Variants in KIF11 observed in about 807,000 individuals in gnomAD.
KIF11 encodes kinesin family member 11.
KIF11 carries 9 observed loss-of-function variants against 121.0 expected under a neutral mutation model. The ratio of observed to expected loss-of-function variants is 0.07; its 90% CI spans 0.04 to 0.13. The LOEUF (loss-of-function observed/expected upper bound fraction) is 0.13, where lower values mean the gene tolerates loss of function less well. Ranked by LOEUF, KIF11 falls within the 10% of genes least tolerant of loss-of-function variation. The pLI is 1.00. For synonymous variants in KIF11, 408 were observed against 421.0 expected, an observed-to-expected ratio of 0.97 and a Z score of 0.38; for missense variants, 846 against 1,217.5, an observed-to-expected ratio of 0.69 and a Z score of 4.54.
chr10:92,650,668 C>T (rs1215798168), intron 21 of KIF11, 151 bp downstream of exon 21: 6 of 587,420 alleles, frequency 1.0e-5, no homozygotes, highest in African/African-American at 7.5e-5. Context: ...GAATTATTTA[C>T]AAAAATCTGA....
intron 1 of KIF11, chr10:92,597,181 A>G: frequency 3.7e-6 from 1 of 271,102 alleles, no homozygotes; most frequent in Non-Finnish European, 7.4e-6. Flanking sequence ...AGGATCTGAC[A>G]ATGTATTTGA....
chr10:92,621,752 C>A lies in KIF11; in HGVS notation c.1217+279C>A, dbSNP rs11187102. Among the ~76,000 whole-genome samples, 22,663 of 152,074 alleles carry A rather than the reference C, an allele frequency of 0.15. 3,592 individuals carry two copies. The highest frequency in any genetic ancestry group is 0.4 in the African/African-American group (16,467 of 41,414). On this transcript the variant is annotated intron_variant, in intron 10 of 21. Transcript: ENST00000260731. ...AAGTAGCTGGGATTATAGGCATGAG[C>A]CACCACACCCTGCTAATTTTTGCAT...
At chr10:92,645,300 G>C in intron 17 of KIF11, 63 bp from the exon 18 acceptor site, 1 of 1,222,304 alleles carries the variant, frequency 8.2e-7, no homozygotes, top group Non-Finnish European at 1.2e-6. Flanking sequence ...GTGATCTTGG[G>C]AAGTTATATA....
chr10:92,612,604 G>A (rs1337530790), intron 6 of KIF11, among the ~76,000 whole-genome samples: 2 of 152,192 alleles, frequency 1.3e-5, no homozygotes, highest in Admixed American at 6.5e-5. Context: ...ACTTGTGCAT[G>A]TACACAACAG....
At chr10:92,611,667 G>A (rs1844498107) in intron 6 of KIF11, among the ~76,000 whole-genome samples, 1 of 152,174 alleles carries the variant, frequency 6.6e-6, no homozygotes, top group Non-Finnish European at 1.5e-5. Context: ...CGGAGGCCAA[G>A]GTGGGTGGAT....
At chr10:92,649,676 T>G (rs1375916807) in intron 19 of KIF11, among the ~76,000 whole-genome samples, 159 bp from the exon 20 acceptor site, 1 of 152,236 alleles carries the variant, frequency 6.6e-6, no homozygotes, top group African/African-American at 2.4e-5. Flanking sequence ...TATTGTTAGT[T>G]GCAAACAATG....
At position 92,628,943 on chromosome 10, in the gene KIF11, A is replaced by G. The variant is rs955265924; in HGVS notation, c.1305+48A>G. 2.2e-5 allele frequency: 23 copies of G among 1,033,078 alleles called. 1 individual carries two copies. Among genetic ancestry groups the G allele is most frequent in the East Asian group, 2.5e-5 (1 of 40,092 alleles). 64.0% of individuals were successfully genotyped at this position (1,033,078 alleles called of 1,614,324 possible). On this transcript the variant is annotated intron_variant, in intron 11 of 21. Coordinates refer to ENST00000260731, the MANE Select transcript of KIF11 (RefSeq NM_004523.4). The stretch of plus-strand genomic sequence containing the variant: ...ACTGTTATGTGAAAAGCAAATATTG[A>G]AAGAAAATTTTAGAATGAAAGATCT...
At position 92,652,776 on chromosome 10, in the gene KIF11, A is replaced by G. The variant is rs1383759125; in HGVS notation, c.3040-889A>G. Among the ~76,000 whole-genome samples the G allele has an allele frequency of 2.0e-5, 3 of 152,328 alleles. No homozygotes were observed. The East Asian group carries it at 5.8e-4, about 29-fold the overall frequency. ...CATTTTGAATTAGGCTTAGTGATTC[A>G]GCTATGGCAAGGAAGTCCCTACAGT... On this transcript the variant is annotated intron_variant, in intron 21 of 21. Coordinates refer to ENST00000260731, the MANE Select transcript of KIF11 (RefSeq NM_004523.4).
intron 8 of KIF11, among the ~76,000 whole-genome samples, chr10:92,615,387 CAG>C (rs1340770016): frequency 6.6e-6 from 1 of 151,882 alleles, no homozygotes; most frequent in East Asian, 1.9e-4. Context: ...GCCTGGGTGA[CAG>C]AGTGAGACTC....
rs185175870 is a variant in KIF11, at chr10:92,593,299, T to A, written c.-77T>A. On this transcript the variant is annotated 5_prime_UTR_variant, in exon 1 of 22. Transcript: ENST00000260731. ...GAGGGACCAGGGAGACTCCGGCCCC[T>A]GTCGGCCGCCAAGCCCCTCCGCCCC... 6.8e-6 allele frequency: 10 copies of A among 1,466,768 alleles called. No individual in the cohort carries two copies. The highest frequency in any genetic ancestry group is 1.4e-5 in the African/African-American group (1 of 71,560). 90.9% of individuals were successfully genotyped at this position (1,466,768 alleles called of 1,614,324 possible).
chr10:92,615,765 A>G (rs532064731), intron 8 of KIF11, among the ~76,000 whole-genome samples: 1 of 151,880 alleles, frequency 6.6e-6, no homozygotes, highest in Admixed American at 6.6e-5. Flanking sequence ...TTCAAGGTTC[A>G]TCTGTGTTGT....
chr10:92,630,734 C>T (rs779529131), intron 12 of KIF11, among the ~76,000 whole-genome samples: 67 of 151,430 alleles, frequency 4.4e-4, no homozygotes, highest in Non-Finnish European at 7.4e-4. Flanking sequence ...GGCGTGGTGG[C>T]GCATGCCTGT....
In KIF11 at chr10:92,613,481, C is replaced by T; in HGVS notation, c.894C>T (p.Val298=). The part of the protein sequence containing the change: ...INQSLLTLGR[V]ITALVERTPH... Reference sequence around the variant, plus strand: ...AATCCCTGTTGACTTTGGGAAGGGTCATTACTGCCCTTGTAGAAAGAACAC... The same window carrying T: ...AATCCCTGTTGACTTTGGGAAGGGTTATTACTGCCCTTGTAGAAAGAACAC... The change falls in exon 8 of 22, where the codon GTC becomes GTT. Residue 298 remains valine, a synonymous_variant. Transcript: ENST00000260731. The surrounding 1 kb of genome is among the most constrained non-coding windows in gnomAD (Gnocchi z 4.2). 1.2e-6 allele frequency: 2 copies of T among 1,612,870 alleles called. No homozygotes were observed. Among genetic ancestry groups the T allele is most frequent in the South Asian group, 2.2e-5 (2 of 91,016 alleles).
Position 92,593,483 on chromosome 10 carries a change from C to A in KIF11, c.77+31C>A, listed in dbSNP as rs1356566593. ...GAGAGGGCTGACAGGATTCCGAGCG[C>A]TGCGGCTTCGCTGCTGGGCCCCCTA... On this transcript the variant is annotated intron_variant, in intron 1 of 21. Coordinates refer to ENST00000260731, the MANE Select transcript of KIF11 (RefSeq NM_004523.4). 4 of 1,589,232 alleles carry A rather than the reference C, an allele frequency of 2.5e-6. No individual in the cohort carries two copies. The South Asian group carries it at 3.4e-5, about 14-fold the overall frequency.
Position 92,613,203 on chromosome 10 carries a change from G to C in KIF11, c.789+73G>C. 7.7e-7 allele frequency: 1 copy of C among 1,300,512 alleles called. No homozygotes were observed. The highest frequency in any genetic ancestry group is 1.1e-6 in the Non-Finnish European group (1 of 934,222). The allele number at this position is 1,300,512 out of a possible 1,614,324, so 80.6% of individuals were successfully genotyped here. On this transcript the variant is annotated intron_variant, in intron 7 of 21. Coordinates refer to ENST00000260731, the MANE Select transcript of KIF11 (RefSeq NM_004523.4). The surrounding 1 kb of genome is among the most constrained non-coding windows in gnomAD (Gnocchi z 4.2). ...GAGCAGCTTGAAATTTTGTCCTTGA[G>C]ACAAAATTTTTGTGGTCACTGGGTG...
At chr10:92,601,452 G>A (rs968417001) in intron 1 of KIF11, among the ~76,000 whole-genome samples, 7 of 149,704 alleles carry the variant, frequency 4.7e-5, no homozygotes, top group East Asian at 4.0e-4. Context: ...CTCGCGATCC[G>A]CCTGCCTCAG....
chr10:92,599,895 C>T (rs1844348012), intron 1 of KIF11, among the ~76,000 whole-genome samples: 1 of 150,206 alleles, frequency 6.7e-6, no homozygotes, highest in South Asian at 2.1e-4. Context: ...TCGTGATCCA[C>T]CTGCCTCAGC....
chr10:92,621,552 C>G (rs1176684107), intron 10 of KIF11, 79 bp downstream of exon 10: 5 of 819,130 alleles, frequency 6.1e-6, no homozygotes, highest in Non-Finnish European at 1.0e-5. Flanking sequence ...ACTTATGTAG[C>G]AGTAAGTAAA....
intron 10 of KIF11, among the ~76,000 whole-genome samples, chr10:92,626,390 C>T (rs542672276): frequency 4.6e-5 from 7 of 152,230 alleles, no homozygotes; most frequent in South Asian, 2.1e-4. Context: ...CCTTCCTTAA[C>T]GCCCATATAC....
Sources: allele counts gnomAD v4.1 joint callset (sites outside exome capture counted in the v4.1 genomes callset), GRCh38; gene constraint gnomAD v4.1.1; non-coding constraint Gnocchi (gnomAD v3.1); transcripts MANE v1.5; gene names NCBI Gene and HGNC (gene_info 2026-07-23, HGNC 2026-07-21).